NRCAM: variants seen among roughly 807,000 people sequenced by gnomAD.
NRCAM encodes the protein NgCAM-related cell adhesion molecule.
Under a neutral mutation model 156.5 loss-of-function variants are expected in NRCAM, and 83 were observed. The observed-to-expected ratio is 0.53, with a 90% CI of 0.44 to 0.64. The LOEUF is 0.64. Among genes scored for constraint, NRCAM ranks in the 30% least tolerant of loss-of-function variants. The pLI is 0.00. For missense variants in NRCAM, 1,417 were observed against 1,597.3 expected, an observed-to-expected ratio of 0.89 and a Z score of 1.92; for synonymous variants, 538 against 563.9, an observed-to-expected ratio of 0.95 and a Z score of 0.65.
intron 28 of NRCAM, among the ~76,000 whole-genome samples, chr7:108,170,782 C>A (rs1050592007): frequency 6.6e-6 from 1 of 151,806 alleles, no homozygotes; most frequent in African/African-American, 2.4e-5. Flanking sequence ...TCGGGGTTCA[C>A]ATGTGGAATC....
At chr7:108,317,662 C>A (rs988134444) in intron 2 of NRCAM, among the ~76,000 whole-genome samples, 1 of 152,108 alleles carries the variant, frequency 6.6e-6, no homozygotes, top group Non-Finnish European at 1.5e-5. Context: ...GTAATCCTAG[C>A]ACTTTGGGAG....
chr7:108,204,683 C>T (rs1021619557), intron 13 of NRCAM, among the ~76,000 whole-genome samples: 1 of 152,190 alleles, frequency 6.6e-6, no homozygotes, highest in East Asian at 1.9e-4. Context: ...CTCTGAGGCA[C>T]ACCAGAGGGT....
intron 2 of NRCAM, among the ~76,000 whole-genome samples, chr7:108,393,050 A>G (rs1274261997): frequency 6.6e-6 from 1 of 152,098 alleles, no homozygotes; most frequent in Non-Finnish European, 1.5e-5. Flanking sequence ...CCATTCTCAG[A>G]TCTCAAACTC....
intron 3 of NRCAM, among the ~76,000 whole-genome samples, chr7:108,261,709 T>C (rs1010796641): frequency 2.0e-5 from 3 of 152,162 alleles, no homozygotes; most frequent in Admixed American, 2.0e-4. Context: ...CCTGGAGGCT[T>C]TGAGCAGCTT....
intron 2 of NRCAM, among the ~76,000 whole-genome samples, chr7:108,388,712 A>C (rs985772822): frequency 1.5e-4 from 23 of 152,182 alleles, no homozygotes; most frequent in Admixed American, 2.0e-4. Flanking sequence ...GTAAGTCTTT[A>C]ATCCATCTTG....
chr7:108,445,522 C>G (rs958563961), intron 1 of NRCAM, among the ~76,000 whole-genome samples: 5 of 152,142 alleles, frequency 3.3e-5, no homozygotes, highest in Non-Finnish European at 5.9e-5. Context: ...GTGCATTCTA[C>G]CTAATAACAC....
At chr7:108,407,158 T>A (rs1400654989) in intron 1 of NRCAM, among the ~76,000 whole-genome samples, 1 of 152,216 alleles carries the variant, frequency 6.6e-6, no homozygotes, top group Non-Finnish European at 1.5e-5. Flanking sequence ...AGAATAGAAG[T>A]GGTATCATTC....
intron 12 of NRCAM, among the ~76,000 whole-genome samples, chr7:108,208,290 G>A (rs1480130169): frequency 1.3e-5 from 2 of 152,050 alleles, no homozygotes; most frequent in African/African-American, 4.8e-5. Flanking sequence ...GGGCAACAGA[G>A]CGAGACTCCA....
intron 1 of NRCAM, among the ~76,000 whole-genome samples, chr7:108,405,892 G>A (rs966114915): frequency 2.0e-5 from 3 of 152,084 alleles, no homozygotes; most frequent in Non-Finnish European, 4.4e-5. Flanking sequence ...GCCAAGGTGG[G>A]AGGACTGCTT....
chr7:108,210,061 C>T (rs2153587698), intron 11 of NRCAM, among the ~76,000 whole-genome samples: 1 of 152,316 alleles, frequency 6.6e-6, no homozygotes, highest in Admixed American at 6.5e-5. Context: ...CCTTTGTATA[C>T]ATTTCCATAT....
At chr7:108,253,972 C>T (rs1260749620) in intron 3 of NRCAM, among the ~76,000 whole-genome samples, 1 of 152,200 alleles carries the variant, frequency 6.6e-6, no homozygotes, top group Non-Finnish European at 1.5e-5. Context: ...CCAGAGACTG[C>T]CAAATCCCTG....
chr7:108,290,862 C>T (rs1591918397), intron 3 of NRCAM, among the ~76,000 whole-genome samples: 1 of 152,102 alleles, frequency 6.6e-6, no homozygotes, highest in Non-Finnish European at 1.5e-5. Context: ...CTACTGTAGC[C>T]TCAAAGCTCT....
chr7:108,399,111 T>C (rs978710254), intron 2 of NRCAM, among the ~76,000 whole-genome samples: 1 of 152,080 alleles, frequency 6.6e-6, no homozygotes, highest in South Asian at 2.1e-4. Context: ...AGACCCTAAA[T>C]ACATAAGAAA....
chr7:108,386,766 T>A (rs923078885), intron 2 of NRCAM, among the ~76,000 whole-genome samples: 4 of 152,080 alleles, frequency 2.6e-5, no homozygotes, highest in Admixed American at 2.0e-4. Flanking sequence ...ATAGAGAAAA[T>A]GAATGTGGAT....
intron 1 of NRCAM, among the ~76,000 whole-genome samples, chr7:108,418,297 A>G (rs761202264): frequency 6.6e-6 from 1 of 152,182 alleles, no homozygotes; most frequent in Non-Finnish European, 1.5e-5. Context: ...CTGTGCTTCT[A>G]TGAAGCACAC....
intron 3 of NRCAM, among the ~76,000 whole-genome samples, chr7:108,264,717 C>T (rs558988758): frequency 6.6e-6 from 1 of 152,306 alleles, no homozygotes; most frequent in African/African-American, 2.4e-5. Flanking sequence ...GTTCCTGTAA[C>T]AAACACCTAA....
chr7:108,356,508 A>AAC (rs2099498959), intron 2 of NRCAM, among the ~76,000 whole-genome samples: 1 of 152,168 alleles, frequency 6.6e-6, no homozygotes, highest in African/African-American at 2.4e-5. Flanking sequence ...CAAATGTCCC[A>AAC]ACAGCAGGAT....
At chr7:108,220,552 C>T (rs2091869972) in intron 11 of NRCAM, among the ~76,000 whole-genome samples, 1 of 152,130 alleles carries the variant, frequency 6.6e-6, no homozygotes, top group South Asian at 2.1e-4. Context: ...CAAATACTTA[C>T]AGCCAACTGA....
At chr7:108,185,308 T>G (rs1418085955) in intron 20 of NRCAM, among the ~76,000 whole-genome samples, 3 of 152,136 alleles carry the variant, frequency 2.0e-5, no homozygotes, top group Non-Finnish European at 4.4e-5. Context: ...CAAACACACA[T>G]GAGAAATAAT....
Sources: gnomAD v4.1 joint callset for allele counts (sites outside exome capture counted in the v4.1 genomes callset) on GRCh38, gnomAD v4.1.1 for gene constraint, MANE v1.5 for transcripts, NCBI Gene and HGNC (gene_info 2026-07-23, HGNC 2026-07-21) for gene names.